HCN1: variants seen among roughly 807,000 people sequenced by gnomAD.
HCN1 encodes potassium/sodium hyperpolarization-activated cyclic nucleotide-gated channel 1.
In HCN1, 13 loss-of-function variants were observed where a neutral mutation model predicts 78.9. The ratio of observed to expected loss-of-function variants is 0.16; its 90% CI spans 0.11 to 0.26. HCN1 has a LOEUF of 0.26. Ranked by LOEUF, HCN1 falls within the 10% of genes least tolerant of loss-of-function variation. The pLI is 1.00. For missense variants in HCN1, 810 were observed against 1,154.3 expected (o/e 0.70, Z 4.32); for synonymous variants, 552 against 455.5 (o/e 1.21, Z -2.70).
At chr5:45,526,576 G>A (rs1177235048) in intron 2 of HCN1, among the ~76,000 whole-genome samples, 2 of 152,080 alleles carry the variant, frequency 1.3e-5, no homozygotes, top group Admixed American at 1.3e-4. Flanking sequence ...AGAGTGTTCT[G>A]AGGATAACTA....
chr5:45,510,032 A>G (rs1352796549), intron 2 of HCN1, among the ~76,000 whole-genome samples: 1 of 152,130 alleles, frequency 6.6e-6, no homozygotes, highest in Admixed American at 6.6e-5. Context: ...AAATTGAATT[A>G]TACCAAACAC....
At chr5:45,315,303 C>A (rs1002212791) in intron 5 of HCN1, among the ~76,000 whole-genome samples, 3 of 152,136 alleles carry the variant, frequency 2.0e-5, no homozygotes, top group Non-Finnish European at 4.4e-5. Context: ...ACAACCTGCT[C>A]CTGAATGACT....
chr5:45,615,168 T>A (rs1580000556), intron 2 of HCN1, among the ~76,000 whole-genome samples: 1 of 152,132 alleles, frequency 6.6e-6, no homozygotes, highest in Non-Finnish European at 1.5e-5. Flanking sequence ...AGTCAAGTAT[T>A]TATTCACATA....
intron 2 of HCN1, among the ~76,000 whole-genome samples, chr5:45,545,244 C>A (rs193008260): frequency 0.045 from 6,913 of 152,200 alleles, 545 homozygotes; most frequent in African/African-American, 0.16. Context: ...GCATAAATGT[C>A]TTTTGAGAAG....
chr5:45,354,552 T>C (rs920854730), intron 4 of HCN1, among the ~76,000 whole-genome samples: 20 of 152,064 alleles, frequency 1.3e-4, no homozygotes, highest in Admixed American at 1.3e-3. Context: ...TGGTAATTGA[T>C]AATAGACCTA....
intron 2 of HCN1, among the ~76,000 whole-genome samples, chr5:45,508,929 G>T (rs183986699): frequency 1.3e-5 from 2 of 151,926 alleles, no homozygotes; most frequent in Admixed American, 6.6e-5. Context: ...ATTTTTATTC[G>T]CCATAATTCA....
chr5:45,686,031 A>G (rs1241593307), intron 1 of HCN1, among the ~76,000 whole-genome samples: 2 of 152,070 alleles, frequency 1.3e-5, no homozygotes, highest in Admixed American at 6.6e-5. Context: ...ATAACTTCTA[A>G]GCACTACATA....
At chr5:45,300,241 T>C (rs1054031048) in intron 6 of HCN1, among the ~76,000 whole-genome samples, 1 of 152,020 alleles carries the variant, frequency 6.6e-6, no homozygotes, top group Non-Finnish European at 1.5e-5. Flanking sequence ...ACTCAAAGAC[T>C]TTTCCTCCTA....
chr5:45,640,726 C>T (rs1745437301), intron 2 of HCN1, among the ~76,000 whole-genome samples: 1 of 151,880 alleles, frequency 6.6e-6, no homozygotes, highest in Non-Finnish European at 1.5e-5. Context: ...AGGCACCCGC[C>T]ACCATGCCCA....
At chr5:45,478,266 G>GA (rs1362837435) in intron 2 of HCN1, among the ~76,000 whole-genome samples, 1 of 151,956 alleles carries the variant, frequency 6.6e-6, no homozygotes, top group Non-Finnish European at 1.5e-5. Context: ...GTAAATCAGT[G>GA]AAAAAAACAG....
intron 2 of HCN1, chr5:45,644,646 G>A (rs1402959456): frequency 6.6e-6 from 1 of 152,596 alleles, no homozygotes; most frequent in Non-Finnish European, 1.5e-5. Flanking sequence ...GTTACTATAG[G>A]CAAGGCATAA....
chr5:45,499,192 C>A (rs947912141), intron 2 of HCN1, among the ~76,000 whole-genome samples: 10 of 152,202 alleles, frequency 6.6e-5, no homozygotes, highest in Non-Finnish European at 1.3e-4. Context: ...TTGCTGCCGC[C>A]TTGCAGTTTG....
chr5:45,365,891 G>A (rs2111997494), intron 4 of HCN1, among the ~76,000 whole-genome samples: 1 of 151,852 alleles, frequency 6.6e-6, no homozygotes, highest in South Asian at 2.1e-4. Context: ...TATGCCTTAA[G>A]CAGTTGAAGG....
intron 2 of HCN1, among the ~76,000 whole-genome samples, chr5:45,476,016 T>C (rs919778987): frequency 2.6e-5 from 4 of 152,122 alleles, no homozygotes; most frequent in Non-Finnish European, 5.9e-5. Context: ...AATGAAAATA[T>C]TTTACAAAGC....
At chr5:45,502,746 T>G (rs1579935399) in intron 2 of HCN1, among the ~76,000 whole-genome samples, 1 of 152,276 alleles carries the variant, frequency 6.6e-6, no homozygotes, top group African/African-American at 2.4e-5. Context: ...CAACAAATGT[T>G]AGCTATTAAT....
chr5:45,548,654 G>T (rs1459427791), intron 2 of HCN1, among the ~76,000 whole-genome samples: 1 of 152,064 alleles, frequency 6.6e-6, no homozygotes, highest in Non-Finnish European at 1.5e-5. Flanking sequence ...AGGGCTATCA[G>T]GCAAGAGAAG....
At chr5:45,387,255 T>A (rs912461993) in intron 4 of HCN1, among the ~76,000 whole-genome samples, 1 of 152,038 alleles carries the variant, frequency 6.6e-6, no homozygotes, top group African/African-American at 2.4e-5. Flanking sequence ...AGAGAAACAT[T>A]TTGACTTCAG....
intron 1 of HCN1, among the ~76,000 whole-genome samples, chr5:45,649,408 T>G (rs528844351): frequency 9.1e-4 from 139 of 152,186 alleles, no homozygotes; most frequent in African/African-American, 3.2e-3. Flanking sequence ...ATGATGAACC[T>G]ACACTGACAT....
intron 6 of HCN1, among the ~76,000 whole-genome samples, chr5:45,272,755 T>G (rs1300268875): frequency 6.6e-6 from 1 of 151,976 alleles, no homozygotes; most frequent in Non-Finnish European, 1.5e-5. Context: ...ATTTGGTCAT[T>G]TTTTTTTCAA....
Sources: allele counts gnomAD v4.1 joint callset (sites outside exome capture counted in the v4.1 genomes callset), GRCh38; gene constraint gnomAD v4.1.1; transcripts MANE v1.5; gene names NCBI Gene and HGNC (gene_info 2026-07-23, HGNC 2026-07-21).